TNIP1: variants seen among roughly 807,000 people sequenced by gnomAD.
TNIP1 encodes TNFAIP3 interacting protein 1.
A neutral mutation model predicts 86.6 loss-of-function variants in TNIP1; 22 were observed. The ratio of observed to expected loss-of-function variants is 0.25; its 90% CI spans 0.18 to 0.36. The LOEUF (loss-of-function observed/expected upper bound fraction) is 0.36, where lower values mean the gene tolerates loss of function less well. Ranked by LOEUF, TNIP1 falls within the 10% of genes least tolerant of loss-of-function variation. TNIP1 has a pLI of 1.00. For synonymous variants in TNIP1, 294 were observed against 313.0 expected (o/e 0.94, Z 0.64); for missense variants, 709 against 820.6 (o/e 0.86, Z 1.66).
intron 7 of TNIP1, 111 bp from the exon 8 acceptor site, chr5:151,050,058 T>C (rs1759706991): frequency 2.0e-6 from 3 of 1,525,430 alleles, no homozygotes; most frequent in South Asian, 2.5e-5. Context: ...CAGGGAGTAC[T>C]GCAGGATCCT....
chr5:151,063,482 T>A, intron 3 of TNIP1, 131 bp downstream of exon 3: 1 of 1,365,158 alleles, frequency 7.3e-7, no homozygotes, highest in Non-Finnish European at 1.0e-6. Context: ...AAAACATGAA[T>A]GGAAGGGTAG....
At chr5:151,064,451 G>A (rs1761986783) in intron 2 of TNIP1, among the ~76,000 whole-genome samples, 1 of 152,210 alleles carries the variant, frequency 6.6e-6, no homozygotes, top group Non-Finnish European at 1.5e-5. Context: ...GATGCACAGG[G>A]CCCGTCGGTC....
In TNIP1 at chr5:151,030,061, G is replaced by T; in HGVS notation, c.*652C>A. 1 of 456,894 alleles carries T rather than the reference G, an allele frequency of 2.2e-6. No homozygotes were observed. Among genetic ancestry groups the T allele is most frequent in the Non-Finnish European group, 4.4e-6 (1 of 226,972 alleles). 28.3% of individuals were successfully genotyped at this position (456,894 alleles called of 1,614,324 possible). On this transcript the variant is annotated 3_prime_UTR_variant, in exon 18 of 18. Coordinates refer to ENST00000521591, the MANE Select transcript of TNIP1 (RefSeq NM_006058.5). ...CAGGCCTCCAGCTATGGGGTCCAGG[G>T]TCTGAACCTCAGGGCCTGGCAGCTT... is the stretch of plus-strand genomic sequence containing the variant.
chr5:151,032,468 G>C (rs1757033076), intron 16 of TNIP1, 85 bp from the exon 17 acceptor site: 4 of 1,302,078 alleles, frequency 3.1e-6, no homozygotes, highest in Non-Finnish European at 4.3e-6. Flanking sequence ...TACTAAATCT[G>C]TATTAGTCAA....
chr5:151,049,694 G>T (rs550490018), intron 8 of TNIP1, 130 bp downstream of exon 8: 8 of 1,148,932 alleles, frequency 7.0e-6, no homozygotes, highest in Admixed American at 4.3e-5. Context: ...AAAAAAACAC[G>T]TAACAGCTAG....
Position 151,045,900 on chromosome 5 carries a change from G to T in TNIP1, c.897C>A (p.Ala299=). The change falls in exon 9 of 18, where the codon GCC becomes GCA. Residue 299 remains alanine (A), a synonymous_variant. Transcript: ENST00000521591. ...GCTCCAGCATCTTCACCTTCTTCTC[G>T]GCTGCGCCCAAGGCCACCACCTCTG... ...KVPEVVALGA[A]EKKVKMLEQQ... 1 of 1,614,100 alleles carries T rather than the reference G, an allele frequency of 6.2e-7. No individual in the cohort carries two copies. Among genetic ancestry groups the T allele is most frequent in the African/African-American group, 1.3e-5 (1 of 75,026 alleles).
chr5:151,040,586 C>G (rs1758294623), intron 11 of TNIP1, among the ~76,000 whole-genome samples: 1 of 152,178 alleles, frequency 6.6e-6, no homozygotes, highest in Admixed American at 6.5e-5. Flanking sequence ...ATTTGTCTCA[C>G]CTACCACTGT....
rs1757214538 is a variant in TNIP1 at position 151,033,636 on chromosome 5, G to A, written c.1751C>T (p.Pro584Leu). 2.9e-6 allele frequency: 4 copies of A among 1,373,132 alleles called. No individual in the cohort carries two copies. The highest frequency in any genetic ancestry group is 2.0e-4 in the Middle Eastern group (1 of 5,006). The allele number at this position is 1,373,132 out of a possible 1,614,324, so 85.1% of individuals were successfully genotyped here. ...ATGGAAGAGGCGCGAGTTGGGGAGT[G>A]GGGGCGGGTGCTCCATGGCCATGGG... ...PPPMAMEHPPPLPNSRLFHLP... is the reference protein window; with the variant it reads ...PPPMAMEHPPLLPNSRLFHLP... The change falls in exon 16 of 18, where the codon CCA becomes CTA. Residue 584 changes from proline (P) to leucine (L), a missense_variant. Physicochemically the swap from Pro to Leu is moderately conservative, Grantham distance 98. Coordinates refer to ENST00000521591, the MANE Select transcript of TNIP1 (RefSeq NM_006058.5).
intron 5 of TNIP1, among the ~76,000 whole-genome samples, chr5:151,058,819 A>G (rs1272152778): frequency 6.6e-6 from 1 of 152,222 alleles, no homozygotes; most frequent in Non-Finnish European, 1.5e-5. Flanking sequence ...TGGCAGAGGT[A>G]TAACGAGAAC....
intron 1 of TNIP1, among the ~76,000 whole-genome samples, chr5:151,077,430 G>A (rs994824067): frequency 2.0e-5 from 3 of 152,210 alleles, no homozygotes; most frequent in South Asian, 2.1e-4. Flanking sequence ...CATCATTAAC[G>A]ATAATAGCAG....
In TNIP1 at chr5:151,057,917, C is replaced by T. The variant is rs116277959; in HGVS notation, c.436-960G>A. On this transcript the variant is annotated intron_variant, in intron 5 of 17. Transcript: ENST00000521591. ...CGCCATTTTACATCAGGGACTTGAGCATCCATGGATTTTGGGTATCCTCAG... is the reference window on the plus strand; with the variant it reads ...CGCCATTTTACATCAGGGACTTGAGTATCCATGGATTTTGGGTATCCTCAG... Among the ~76,000 whole-genome samples, 91 of 152,268 alleles carry T rather than the reference C, an allele frequency of 6.0e-4. 1 individual carries two copies. The highest frequency in any genetic ancestry group is 2.1e-3 in the African/African-American group (89 of 41,538).
intron 8 of TNIP1, 145 bp from the exon 9 acceptor site, chr5:151,046,095 A>C: frequency 1.5e-6 from 1 of 660,098 alleles, no homozygotes; most frequent in Non-Finnish European, 2.7e-6. Flanking sequence ...ACCACTAACC[A>C]TCCCAGTCAT....
intron 2 of TNIP1, among the ~76,000 whole-genome samples, chr5:151,064,025 C>T (rs551848756): frequency 1.3e-5 from 2 of 152,358 alleles, no homozygotes; most frequent in South Asian, 4.1e-4. Context: ...CCAGCATTCT[C>T]TTTCTGCCCC....
chr5:151,045,900 G>A lies in TNIP1; in HGVS notation c.897C>T (p.Ala299=), dbSNP rs755163502. The change falls in exon 9 of 18, where the codon GCC becomes GCT. Residue 299 remains alanine, a synonymous_variant. Transcript: ENST00000521591. ...KVPEVVALGA[A]EKKVKMLEQQ... is the part of the protein sequence containing the mutation. ...GCTCCAGCATCTTCACCTTCTTCTC[G>A]GCTGCGCCCAAGGCCACCACCTCTG... 5.6e-6 allele frequency: 9 copies of A among 1,613,982 alleles called. No individual in the cohort carries two copies. The Admixed American group carries it at 6.7e-5, about 12-fold the overall frequency.
rs1307199053 is a variant in TNIP1, at chr5:151,081,011, C to T, written c.-168G>A. The stretch of plus-strand genomic sequence containing the variant: ...CTAGGGCTCCTGGACGGGGGCAGGG[C>T]ACCCGGGCCGAGGACGAGGAAGTGC... On this transcript the variant is annotated 5_prime_UTR_variant, in exon 1 of 18. Transcript: ENST00000521591. 1 of 152,190 alleles carries T rather than the reference C, an allele frequency of 6.6e-6. No individual in the cohort carries two copies. Among genetic ancestry groups the T allele is most frequent in the Non-Finnish European group, 1.5e-5 (1 of 68,046 alleles). The allele number at this position is 152,190 out of a possible 1,614,324, so 9.4% of individuals were successfully genotyped here. A position where few individuals can be genotyped will look rare whatever the true frequency, so the allele number is the denominator to read the frequency against.
At chr5:151,067,133 G>A (rs56875510) in intron 1 of TNIP1, among the ~76,000 whole-genome samples, 7,629 of 152,294 alleles carry the variant, frequency 0.05, 659 homozygotes, top group African/African-American at 0.17. Context: ...GTCATCACCC[G>A]GCTTAGGGGT....
At chr5:151,055,674 C>A (rs1041253953) in intron 6 of TNIP1, among the ~76,000 whole-genome samples, 1 of 152,226 alleles carries the variant, frequency 6.6e-6, no homozygotes, top group African/African-American at 2.4e-5. Context: ...GCCCTTCATG[C>A]CCTCGGCAAC....
chr5:151,057,062 CT>C (rs1320536251), intron 5 of TNIP1, 105 bp from the exon 6 acceptor site: 4 of 1,170,730 alleles, frequency 3.4e-6, no homozygotes, highest in Non-Finnish European at 4.4e-6. Context: ...CAGTTTCCCC[CT>C]GTGACCCCAG....
intron 6 of TNIP1, 49 bp downstream of exon 6, chr5:151,056,717 G>C: frequency 7.0e-7 from 1 of 1,429,636 alleles, no homozygotes; most frequent in Non-Finnish European, 9.2e-7. Flanking sequence ...GAAGAGCTCG[G>C]GGGGAAGCAC....
Sources: gnomAD v4.1 joint callset for allele counts (sites outside exome capture counted in the v4.1 genomes callset) on GRCh38, gnomAD v4.1.1 for gene constraint, MANE v1.5 for transcripts, NCBI Gene and HGNC (gene_info 2026-07-23, HGNC 2026-07-21) for gene names.